Variants in TRIM55 observed in about 807,000 individuals in gnomAD.
The protein encoded by TRIM55 is tripartite motif containing 55.
TRIM55 carries 50 observed loss-of-function variants against 60.9 expected under a neutral mutation model. That is an observed-to-expected ratio of 0.82 (90% CI 0.65 to 1.04). TRIM55 has a LOEUF of 1.04. TRIM55 is among the 50% of genes least tolerant of loss of function. The probability of loss-of-function intolerance (pLI) is 0.00; values close to 1 mark genes in which losing one functional copy is unlikely to be tolerated. For synonymous variants in TRIM55, 237 were observed against 238.1 expected (o/e 1.00, Z 0.04); for missense variants, 681 against 666.9 (o/e 1.02, Z -0.23).
chr8:66,167,634 C>T (rs186449547), intron 9 of TRIM55, among the ~76,000 whole-genome samples: 3 of 152,144 alleles, frequency 2.0e-5, no homozygotes, highest in East Asian at 1.9e-4. Context: ...TTCTCATTTC[C>T]GATTTTCTCT....
chr8:66,117,275 G>T, the TRIM55 span, among the ~76,000 whole-genome samples: 2 of 152,190 alleles, frequency 1.3e-5, no homozygotes, highest in East Asian at 1.9e-4. Context: ...TCTTGCCAGG[G>T]CAATAAAGCA....
chr8:66,120,787 T>G, the TRIM55 span, among the ~76,000 whole-genome samples: 4 of 152,190 alleles, frequency 2.6e-5, no homozygotes, highest in African/African-American at 9.7e-5. Flanking sequence ...TCTTTTTGGC[T>G]CTAATAAAAC....
chr8:66,174,680 A>G lies in TRIM55; in HGVS notation c.*87A>G. 1 of 1,379,594 alleles carries G rather than the reference A, an allele frequency of 7.2e-7. No individual in the cohort carries two copies. Among genetic ancestry groups the G allele is most frequent in the Non-Finnish European group, 9.5e-7 (1 of 1,057,036 alleles). The allele number at this position is 1,379,594 out of a possible 1,614,324, so 85.5% of individuals were successfully genotyped here. ...CCCAAGTGAAATTAATATTATGCAG[A>G]TGATGAAAGGGACCTCTGAACAGGA... On this transcript the variant is annotated 3_prime_UTR_variant, in exon 10 of 10. Coordinates refer to ENST00000315962, the MANE Select transcript of TRIM55 (RefSeq NM_184085.2).
intron 1 of TRIM55, among the ~76,000 whole-genome samples, chr8:66,127,970 AT>A (rs199801101): frequency 1.3e-4 from 20 of 151,704 alleles, no homozygotes; most frequent in African/African-American, 3.1e-4. Flanking sequence ...TAAGAATCAT[AT>A]TTTTTTTTAA....
intron 4 of TRIM55, among the ~76,000 whole-genome samples, chr8:66,143,074 G>A (rs535865636): frequency 2.2e-4 from 34 of 152,300 alleles, no homozygotes; most frequent in Non-Finnish European, 4.6e-4. Flanking sequence ...TCAAATGAAG[G>A]TATAGCTCTA....
At chr8:66,145,382 T>C (rs1391087555) in intron 4 of TRIM55, among the ~76,000 whole-genome samples, 1 of 152,236 alleles carries the variant, frequency 6.6e-6, no homozygotes, top group Non-Finnish European at 1.5e-5. Flanking sequence ...ATTTTTTGCA[T>C]AGAATTATAT....
chr8:66,143,947 C>G (rs563937136), intron 4 of TRIM55, among the ~76,000 whole-genome samples: 4 of 152,242 alleles, frequency 2.6e-5, no homozygotes, highest in African/African-American at 7.2e-5. Context: ...CCATTTAAAA[C>G]AGTGGTATGA....
chr8:66,141,936 C>T (rs1360303791), intron 4 of TRIM55, among the ~76,000 whole-genome samples: 1 of 152,156 alleles, frequency 6.6e-6, no homozygotes, highest in African/African-American at 2.4e-5. Context: ...TGTTTAAATA[C>T]CATGCCAGAA....
Position 66,150,480 on chromosome 8 carries a change from T to C in TRIM55, c.985+14T>C. On this transcript the variant is annotated intron_variant, in intron 7 of 9. Transcript: ENST00000315962. ...ACTTTTACAGAGGTTTGTTATTCTT[T>C]TGACCATTTGGCCGAAGTTGCAGGT... The C allele has an allele frequency of 6.2e-7, 1 of 1,613,610 alleles. No individual in the cohort carries two copies. Among genetic ancestry groups the C allele is most frequent in the Non-Finnish European group, 8.5e-7 (1 of 1,179,744 alleles).
chr8:66,141,458 G>C (rs1328310310), intron 4 of TRIM55, among the ~76,000 whole-genome samples: 5 of 152,228 alleles, frequency 3.3e-5, no homozygotes, highest in African/African-American at 1.2e-4. Flanking sequence ...GCCTGGAGCT[G>C]TTCTGGAACA....
At chr8:66,119,810 G>A in the TRIM55 span, among the ~76,000 whole-genome samples, 8 of 152,186 alleles carry the variant, frequency 5.3e-5, no homozygotes, top group Non-Finnish European at 1.0e-4. Context: ...CTATCCACAT[G>A]TGGACATTTA....
intron 9 of TRIM55, among the ~76,000 whole-genome samples, chr8:66,159,560 G>A (rs1172875949): frequency 1.3e-5 from 2 of 152,192 alleles, no homozygotes; most frequent in African/African-American, 4.8e-5. Flanking sequence ...TGAAGGAGTG[G>A]AATTGCTGGA....
At chr8:66,121,215 A>G in the TRIM55 span, among the ~76,000 whole-genome samples, 1 of 152,230 alleles carries the variant, frequency 6.6e-6, no homozygotes, top group Non-Finnish European at 1.5e-5. Flanking sequence ...AACTGTTGAA[A>G]GAGGGGAAGG....
At chr8:66,127,537 T>C in intron 1 of TRIM55, 101 bp downstream of exon 1, 1 of 1,435,480 alleles carries the variant, frequency 7.0e-7, no homozygotes, top group Non-Finnish European at 9.6e-7. Context: ...TAAAAAACTT[T>C]ATAAGGTTGC....
intron 2 of TRIM55, among the ~76,000 whole-genome samples, chr8:66,132,967 A>G (rs777536389): frequency 6.6e-6 from 1 of 152,226 alleles, no homozygotes; most frequent in African/African-American, 2.4e-5. Context: ...CCTGTGCTCT[A>G]TGACGCAATC....
intron 4 of TRIM55, among the ~76,000 whole-genome samples, chr8:66,139,356 G>A (rs1026312309): frequency 2.6e-5 from 4 of 152,148 alleles, no homozygotes; most frequent in Non-Finnish European, 5.9e-5. Context: ...GGGTCCATCT[G>A]GGCCTTGAGC....
chr8:66,114,470 T>G, the TRIM55 span: 4 of 448,378 alleles, frequency 8.9e-6, no homozygotes, highest in African/African-American at 2.0e-5. Flanking sequence ...CGAAACTGGT[T>G]ATTTTTGCTT....
At chr8:66,164,038 C>T (rs1199663296) in intron 9 of TRIM55, among the ~76,000 whole-genome samples, 2 of 151,890 alleles carry the variant, frequency 1.3e-5, no homozygotes, top group Admixed American at 6.5e-5. Context: ...AACTTGTCTA[C>T]CTCTCCTCTT....
intron 9 of TRIM55, among the ~76,000 whole-genome samples, chr8:66,158,779 T>C (rs936661140): frequency 6.6e-6 from 1 of 152,226 alleles, no homozygotes; most frequent in Non-Finnish European, 1.5e-5. Flanking sequence ...CTTGAAGCTC[T>C]TACATAAATC....
Sources: gnomAD v4.1 joint callset for allele counts (sites outside exome capture counted in the v4.1 genomes callset) on GRCh38, gnomAD v4.1.1 for gene constraint, MANE v1.5 for transcripts, NCBI Gene and HGNC (gene_info 2026-07-23, HGNC 2026-07-21) for gene names.